Variants in NTM observed in about 807,000 individuals in gnomAD.
NTM encodes IgLON family member 2.
In NTM, 13 loss-of-function variants were observed where a neutral mutation model predicts 42.1. The observed-to-expected ratio is 0.31, with a 90% CI of 0.20 to 0.49. The LOEUF (loss-of-function observed/expected upper bound fraction) is 0.49. Among genes scored for constraint, NTM ranks in the 20% least tolerant of loss-of-function variants. The pLI is 0.99. For synonymous variants in NTM, 187 were observed against 179.2 expected (o/e 1.04, Z -0.35); for missense variants, 373 against 452.8 (o/e 0.82, Z 1.60).
intron 2 of NTM, among the ~76,000 whole-genome samples, chr11:131,950,013 A>G (rs978545037): frequency 6.6e-6 from 1 of 152,132 alleles, no homozygotes; most frequent in Admixed American, 6.5e-5. Flanking sequence ...TTCCTTCCCT[A>G]TCTTGACTAC....
chr11:131,595,602 G>C (rs1409988308), intron 1 of NTM, among the ~76,000 whole-genome samples: 1 of 152,214 alleles, frequency 6.6e-6, no homozygotes, highest in Non-Finnish European at 1.5e-5. Flanking sequence ...TGACTGTGGA[G>C]AAGGCTTGCC....
rs571802297 is a variant in NTM, at chr11:131,630,231, C to T, written c.82+259343C>T. ...GATATTGGCATAGAAAGTTAGCAAT[C>T]TCTGCCTTGGATCAGGAGAAATCCA... On this transcript the variant is annotated intron_variant, in intron 1 of 8. Coordinates refer to ENST00000683400, the MANE Select transcript of NTM (RefSeq NM_001352005.2). 2.6e-5 allele frequency among the ~76,000 whole-genome samples: 4 copies of T among 152,286 alleles called. No individual in the cohort carries two copies. In the South Asian group the frequency reaches 8.3e-4, roughly 32 times the overall value.
At chr11:132,116,178 C>G (rs1259227826) in intron 2 of NTM, among the ~76,000 whole-genome samples, 1 of 152,162 alleles carries the variant, frequency 6.6e-6, no homozygotes, top group African/African-American at 2.4e-5. Context: ...GTGAGGCAAC[C>G]AAGGGAGTAA....
intron 1 of NTM, among the ~76,000 whole-genome samples, chr11:131,739,356 C>CA (rs984504455): frequency 3.3e-5 from 5 of 152,112 alleles, no homozygotes; most frequent in Non-Finnish European, 7.3e-5. Flanking sequence ...GTCAGTTACT[C>CA]ACACTCTTGG....
intron 1 of NTM, among the ~76,000 whole-genome samples, chr11:131,898,621 C>T (rs1172733849): frequency 2.6e-5 from 4 of 152,156 alleles, no homozygotes; most frequent in South Asian, 2.1e-4. Context: ...TGATGTAACA[C>T]GCCACCTACC....
intron 1 of NTM, chr11:131,794,899 T>C: frequency 1.0e-6 from 1 of 985,182 alleles, no homozygotes; most frequent in South Asian, 4.7e-5. Context: ...CCCTTGTCAC[T>C]GCAGGGAGTG....
At chr11:131,994,394 A>C (rs1224067759) in intron 2 of NTM, among the ~76,000 whole-genome samples, 1 of 152,170 alleles carries the variant, frequency 6.6e-6, no homozygotes, top group Non-Finnish European at 1.5e-5. Flanking sequence ...AGAGTTGCTG[A>C]TGGAAGTCTA....
intron 1 of NTM, among the ~76,000 whole-genome samples, chr11:131,791,631 C>A (rs2136148858): frequency 6.6e-6 from 1 of 152,310 alleles, no homozygotes; most frequent in Non-Finnish European, 1.5e-5. Context: ...GTTTAGAAGA[C>A]TTTTGCAAGG....
chr11:131,887,871 G>T (rs1369006227), intron 1 of NTM, among the ~76,000 whole-genome samples: 1 of 152,134 alleles, frequency 6.6e-6, no homozygotes, highest in Non-Finnish European at 1.5e-5. Context: ...TATGAAGAAG[G>T]TACTATTATT....
At chr11:131,602,240 T>C (rs1037102013) in intron 1 of NTM, among the ~76,000 whole-genome samples, 1 of 152,170 alleles carries the variant, frequency 6.6e-6, no homozygotes, top group Admixed American at 6.5e-5. Flanking sequence ...CCTTTGCTGT[T>C]CTGTTACCTT....
At chr11:131,710,006 C>T (rs977379518) in intron 1 of NTM, among the ~76,000 whole-genome samples, 3 of 152,132 alleles carry the variant, frequency 2.0e-5, no homozygotes, top group Middle Eastern at 3.2e-3. Context: ...CTACTAAGTC[C>T]GTGTGTTGAC....
chr11:132,186,196 C>T (rs951394045), intron 3 of NTM, among the ~76,000 whole-genome samples: 3 of 152,216 alleles, frequency 2.0e-5, no homozygotes, highest in African/African-American at 7.2e-5. Context: ...CGGTGGCTCT[C>T]TCATCACTGG....
chr11:131,399,471 G>T (rs998007751), intron 1 of NTM, among the ~76,000 whole-genome samples: 2 of 152,136 alleles, frequency 1.3e-5, no homozygotes, highest in Non-Finnish European at 2.9e-5. Context: ...TGTATGGATT[G>T]TATCTGTTCA....
chr11:132,252,763 C>G (rs2092090645), intron 4 of NTM, among the ~76,000 whole-genome samples: 1 of 152,122 alleles, frequency 6.6e-6, no homozygotes, highest in African/African-American at 2.4e-5. Flanking sequence ...TTTCTGAAAC[C>G]ATTGTTCAGA....
intron 1 of NTM, among the ~76,000 whole-genome samples, chr11:131,469,079 C>G (rs1952169983): frequency 6.6e-6 from 1 of 152,226 alleles, no homozygotes; most frequent in African/African-American, 2.4e-5. Flanking sequence ...CCTGGCAGAG[C>G]TGGCTGCTGC....
chr11:131,825,041 C>T (rs779033926), intron 1 of NTM, among the ~76,000 whole-genome samples: 58 of 152,150 alleles, frequency 3.8e-4, no homozygotes, highest in Non-Finnish European at 6.8e-4. Flanking sequence ...TAGAAGTCTG[C>T]AATCACAGTG....
intron 1 of NTM, among the ~76,000 whole-genome samples, chr11:131,784,282 T>C (rs896756763): frequency 6.6e-6 from 1 of 152,196 alleles, no homozygotes; most frequent in African/African-American, 2.4e-5. Context: ...GTAATCTCTA[T>C]GTATTTATAT....
intron 1 of NTM, among the ~76,000 whole-genome samples, chr11:131,860,993 T>C (rs2046574445): frequency 6.6e-6 from 1 of 152,156 alleles, no homozygotes; most frequent in African/African-American, 2.4e-5. Context: ...TTTTGCACCC[T>C]GTCGGTTGGC....
chr11:131,924,381 G>A (rs2057660316), intron 2 of NTM, among the ~76,000 whole-genome samples: 1 of 152,138 alleles, frequency 6.6e-6, no homozygotes, highest in South Asian at 2.1e-4. Flanking sequence ...ATACTGCTCT[G>A]TTTCGTTCTT....
Sources: gnomAD v4.1 joint callset for allele counts (sites outside exome capture counted in the v4.1 genomes callset) on GRCh38, gnomAD v4.1.1 for gene constraint, MANE v1.5 for transcripts, NCBI Gene and HGNC (gene_info 2026-07-23, HGNC 2026-07-21) for gene names.